Variants in COL13A1 observed in about 807,000 individuals in gnomAD.
COL13A1 encodes collagen alpha-1(XIII) chain.
Under a neutral mutation model 130.9 loss-of-function variants are expected in COL13A1, and 89 were observed. The ratio of observed to expected loss-of-function variants is 0.68; its 90% CI spans 0.57 to 0.81. COL13A1 has a LOEUF of 0.81. Ranked by LOEUF, COL13A1 falls within the 30% of genes least tolerant of loss-of-function variation. COL13A1 has a pLI of 0.00. For synonymous variants in COL13A1, 402 were observed against 341.6 expected (o/e 1.18, Z -1.95); for missense variants, 879 against 934.6 (o/e 0.94, Z 0.78).
chr10:69,861,252 T>C (rs1857983651), intron 2 of COL13A1, among the ~76,000 whole-genome samples: 1 of 152,134 alleles, frequency 6.6e-6, no homozygotes, highest in African/African-American at 2.4e-5. Flanking sequence ...GGCTGCCAGG[T>C]GTGAAGTCCA....
At chr10:69,868,765 C>T (rs2058776493) in intron 3 of COL13A1, among the ~76,000 whole-genome samples, 1 of 152,188 alleles carries the variant, frequency 6.6e-6, no homozygotes, top group Admixed American at 6.5e-5. Flanking sequence ...GGCCCTTGCA[C>T]CCACACTGAG....
At position 69,924,506 on chromosome 10, in the gene COL13A1, C is replaced by T. The variant is rs570417714; in HGVS notation, c.1285-457C>T. On this transcript the variant is annotated intron_variant, in intron 24 of 40. Coordinates refer to ENST00000645393, the MANE Select transcript of COL13A1 (RefSeq NM_001368882.1). ...CCCTCCTGGCCCTCCACATTTCACT[C>T]GGCATTCTGGGTCTTTCACAAGTAG... Among the ~76,000 whole-genome samples, 11 of 152,030 alleles carry T rather than the reference C, an allele frequency of 7.2e-5. 1 individual carries two copies. In the South Asian group the frequency reaches 1.3e-3, roughly 17 times the overall value.
chr10:69,856,601 G>C (rs1434962849), intron 2 of COL13A1, among the ~76,000 whole-genome samples: 1 of 152,210 alleles, frequency 6.6e-6, no homozygotes, highest in East Asian at 1.9e-4. Flanking sequence ...TTGATGTCGT[G>C]GGGTTGTGGT....
intron 23 of COL13A1, 67 bp downstream of exon 23, chr10:69,922,861 C>T (rs1029917972): frequency 1.3e-5 from 15 of 1,129,038 alleles, no homozygotes; most frequent in African/African-American, 1.3e-4. Flanking sequence ...AGCCTGTTCT[C>T]GGGGACTCTA....
chr10:69,850,630 T>C (rs1854503008), intron 2 of COL13A1, among the ~76,000 whole-genome samples: 1 of 151,870 alleles, frequency 6.6e-6, no homozygotes, highest in African/African-American at 2.4e-5. Flanking sequence ...CGGGCTGTTG[T>C]CCTTGTGATG....
intron 1 of COL13A1, among the ~76,000 whole-genome samples, chr10:69,815,547 G>A (rs1480516426): frequency 2.0e-5 from 3 of 152,164 alleles, no homozygotes; most frequent in African/African-American, 4.8e-5. Context: ...AAAGTCAGAT[G>A]TCAAGGGGGC....
chr10:69,816,008 G>A (rs1233955694), intron 1 of COL13A1, among the ~76,000 whole-genome samples: 3 of 151,806 alleles, frequency 2.0e-5, no homozygotes, highest in African/African-American at 7.3e-5. Context: ...TAGCTGGGAA[G>A]AGAACACCCA....
At chr10:69,870,424 TGCCTCA>T (rs1213564098) in intron 3 of COL13A1, among the ~76,000 whole-genome samples, 1 of 151,590 alleles carries the variant, frequency 6.6e-6, no homozygotes, top group Non-Finnish European at 1.5e-5. Flanking sequence ...GTGGCCCTCC[TGCCTCA>T]GCCTCCCAAG....
At chr10:69,940,948 C>A in intron 34 of COL13A1, 40 bp from the exon 35 acceptor site, 1 of 1,613,932 alleles carries the variant, frequency 6.2e-7, no homozygotes, top group Admixed American at 1.7e-5. Context: ...TCCCAATCCT[C>A]TCTTCCCCTT....
intron 28 of COL13A1, 124 bp downstream of exon 28, chr10:69,929,123 C>T (rs936130950): frequency 1.3e-6 from 1 of 752,636 alleles, no homozygotes; most frequent in Non-Finnish European, 2.2e-6. Flanking sequence ...TGCTCCAAGG[C>T]ACCAGGGGAC....
chr10:69,818,724 G>C (rs1170032888), intron 1 of COL13A1, among the ~76,000 whole-genome samples: 3 of 152,190 alleles, frequency 2.0e-5, no homozygotes, highest in African/African-American at 7.2e-5. Flanking sequence ...TCAAGGGCAG[G>C]AGAAGATGGA....
At chr10:69,850,037 AC>A (rs1163996242) in intron 2 of COL13A1, among the ~76,000 whole-genome samples, 1 of 152,132 alleles carries the variant, frequency 6.6e-6, no homozygotes, top group Admixed American at 6.6e-5. Context: ...AGTGACGGTG[AC>A]AGACATTAGC....
chr10:69,851,172 G>A (rs1854686960), intron 2 of COL13A1, among the ~76,000 whole-genome samples: 2 of 152,198 alleles, frequency 1.3e-5, no homozygotes, highest in African/African-American at 2.4e-5. Context: ...CTTCACAACT[G>A]TAGATTCGAG....
At chr10:69,880,191 G>C (rs370186897) in intron 6 of COL13A1, among the ~76,000 whole-genome samples, 1 of 152,000 alleles carries the variant, frequency 6.6e-6, no homozygotes, top group African/African-American at 2.4e-5. Flanking sequence ...CCACCACCCT[G>C]TCTCCCCGGA....
chr10:69,916,238 A>G (rs2063904289), intron 17 of COL13A1, among the ~76,000 whole-genome samples: 1 of 152,240 alleles, frequency 6.6e-6, no homozygotes, highest in African/African-American at 2.4e-5. Context: ...CCTGGCAGCC[A>G]CAGCAGTCAC....
chr10:69,912,014 G>A (rs77966753), intron 17 of COL13A1, among the ~76,000 whole-genome samples: 5,085 of 152,292 alleles, frequency 0.033, 113 homozygotes, highest in Middle Eastern at 0.058. Flanking sequence ...CTGCTAGTGC[G>A]GGGACAGCAT....
chr10:69,892,414 GT>G (rs941437265), intron 10 of COL13A1, among the ~76,000 whole-genome samples: 1 of 152,202 alleles, frequency 6.6e-6, no homozygotes, highest in African/African-American at 2.4e-5. Flanking sequence ...CTGAAATAAG[GT>G]GTTGAAGTGT....
At chr10:69,894,821 C>A in intron 12 of COL13A1, 120 bp downstream of exon 12, 3 of 1,323,106 alleles carry the variant, frequency 2.3e-6, no homozygotes, top group Non-Finnish European at 3.2e-6. Context: ...CCAGGAAAGC[C>A]CCCGAGGTGC....
At chr10:69,850,902 C>T (rs1040943234) in intron 2 of COL13A1, among the ~76,000 whole-genome samples, 1 of 152,222 alleles carries the variant, frequency 6.6e-6, no homozygotes, top group South Asian at 2.1e-4. Flanking sequence ...TCTCTTTAGC[C>T]AAGGCACTCC....
Sources: gnomAD v4.1 joint callset for allele counts (sites outside exome capture counted in the v4.1 genomes callset) on GRCh38, gnomAD v4.1.1 for gene constraint, MANE v1.5 for transcripts, NCBI Gene and HGNC (gene_info 2026-07-23, HGNC 2026-07-21) for gene names.